Variants in SNTG1 observed in about 807,000 individuals in gnomAD.
SNTG1 encodes syntrophin gamma 1.
A neutral mutation model predicts 74.7 loss-of-function variants in SNTG1; 39 were observed. The ratio of observed to expected loss-of-function variants is 0.52; its 90% CI spans 0.40 to 0.68. The LOEUF (loss-of-function observed/expected upper bound fraction) is 0.68. Among genes scored for constraint, SNTG1 ranks in the 30% least tolerant of loss-of-function variants. The pLI is 0.00. For missense variants in SNTG1, 685 were observed against 609.5 expected (o/e 1.12, Z -1.30); for synonymous variants, 254 against 217.1 (o/e 1.17, Z -1.49).
intron 13 of SNTG1, 96 bp from the exon 14 acceptor site, chr8:50,656,813 C>T (rs999610887): frequency 2.4e-6 from 2 of 821,538 alleles, no homozygotes; most frequent in African/African-American, 3.6e-5. Flanking sequence ...TGAAAAATAC[C>T]TAAAATATTT....
At chr8:50,221,861 G>A (rs965909785) in intron 2 of SNTG1, among the ~76,000 whole-genome samples, 1 of 152,136 alleles carries the variant, frequency 6.6e-6, no homozygotes, top group African/African-American at 2.4e-5. Context: ...TAGAGACAGT[G>A]TTTAATACAT....
chr8:49,937,906 T>A (rs1227506784), intron 1 of SNTG1, among the ~76,000 whole-genome samples: 1 of 152,190 alleles, frequency 6.6e-6, no homozygotes, highest in Non-Finnish European at 1.5e-5. Context: ...TGAAACATTA[T>A]TCCTGTCAGA....
chr8:50,692,898 C>T (rs868174196), intron 15 of SNTG1, among the ~76,000 whole-genome samples: 2 of 152,230 alleles, frequency 1.3e-5, no homozygotes, highest in South Asian at 4.1e-4. Flanking sequence ...GTAGGCTCCA[C>T]CCAGTTCCAG....
chr8:50,226,289 A>G (rs2132027703), intron 2 of SNTG1, among the ~76,000 whole-genome samples: 1 of 152,248 alleles, frequency 6.6e-6, no homozygotes, highest in South Asian at 2.1e-4. Context: ...CTCACTTTCC[A>G]ATCTGACTCT....
chr8:50,041,752 G>A (rs1818660758), intron 1 of SNTG1, among the ~76,000 whole-genome samples: 1 of 152,144 alleles, frequency 6.6e-6, no homozygotes, highest in African/African-American at 2.4e-5. Flanking sequence ...GTTTCTAGAT[G>A]TGGTATTTCA....
intron 1 of SNTG1, among the ~76,000 whole-genome samples, chr8:50,133,633 C>T (rs2081383063): frequency 6.6e-6 from 1 of 152,152 alleles, no homozygotes. Context: ...CCAGCTTCCT[C>T]TGGTGGCCAT....
intron 10 of SNTG1, among the ~76,000 whole-genome samples, chr8:50,530,543 T>C (rs2094258563): frequency 6.6e-6 from 1 of 152,200 alleles, no homozygotes; most frequent in African/African-American, 2.4e-5. Flanking sequence ...ACATTGCACA[T>C]TATATGTGAT....
rs947847096 is a variant in SNTG1, at chr8:49,970,536, T to C, written c.-103+58305T>C. 3.3e-5 allele frequency among the ~76,000 whole-genome samples: 5 copies of C among 152,282 alleles called. No homozygotes were observed. In the East Asian group the frequency reaches 5.8e-4, roughly 18 times the overall value. ...AGCTTCCAAAATAATTAATAGCAAA[T>C]CACTCATTTCATTTAAGAAATAGGT... is the stretch of plus-strand genomic sequence containing the variant. On this transcript the variant is annotated intron_variant, in intron 1 of 18. Transcript: ENST00000642720.
chr8:49,941,000 T>C (rs935440196), intron 1 of SNTG1, among the ~76,000 whole-genome samples: 2 of 152,164 alleles, frequency 1.3e-5, no homozygotes, highest in African/African-American at 4.8e-5. Context: ...GAACAGCCCT[T>C]GCCATTTAGA....
In SNTG1 at chr8:50,277,421, CACAG is replaced by C. The variant is rs1220305965; in HGVS notation, c.-28+104790_-28+104793del. On this transcript the variant is annotated intron_variant, in intron 2 of 18. Coordinates refer to ENST00000642720, the MANE Select transcript of SNTG1 (RefSeq NM_018967.5). ...ATTAGATTACAGAAACTTTTTCAGACACAGACAAATTATATGTATTTTTGAAATA... is the reference window on the plus strand; with the variant it reads ...ATTAGATTACAGAAACTTTTTCAGACACAAATTATATGTATTTTTGAAATA... Among the ~76,000 whole-genome samples, 7 of 152,202 alleles carry C rather than the reference CACAG, an allele frequency of 4.6e-5. No individual in the cohort carries two copies. In the East Asian group the frequency reaches 5.8e-4, roughly 13 times the overall value.
intron 13 of SNTG1, among the ~76,000 whole-genome samples, chr8:50,638,604 A>G (rs1449423667): frequency 6.6e-6 from 1 of 152,118 alleles, no homozygotes; most frequent in Admixed American, 6.5e-5. Context: ...AAATAGTGAT[A>G]TATTCCGATG....
chr8:50,748,150 T>G (rs1339317313), intron 17 of SNTG1, among the ~76,000 whole-genome samples: 1 of 152,032 alleles, frequency 6.6e-6, no homozygotes, highest in African/African-American at 2.4e-5. Context: ...ACCTGTAATA[T>G]CTAAGCTGAA....
chr8:49,931,859 A>G (rs1585551429), intron 1 of SNTG1, among the ~76,000 whole-genome samples: 2 of 152,208 alleles, frequency 1.3e-5, no homozygotes, highest in African/African-American at 4.8e-5. Context: ...TTTTAGATGT[A>G]TAGATATTAA....
intron 18 of SNTG1, among the ~76,000 whole-genome samples, chr8:50,761,740 C>T (rs1260964053): frequency 2.0e-5 from 3 of 151,880 alleles, no homozygotes; most frequent in Non-Finnish European, 4.4e-5. Flanking sequence ...CACAAATACA[C>T]AGCAGTTCTA....
At chr8:50,286,746 T>G (rs1016130351) in intron 2 of SNTG1, 5 of 152,218 alleles carry the variant, frequency 3.3e-5, no homozygotes, top group African/African-American at 1.2e-4. Context: ...TTGCTGTGTT[T>G]TATAAATTTT....
intron 13 of SNTG1, among the ~76,000 whole-genome samples, chr8:50,613,862 A>G (rs1325817903): frequency 6.6e-6 from 1 of 152,188 alleles, no homozygotes; most frequent in Non-Finnish European, 1.5e-5. Flanking sequence ...TTATACCAAA[A>G]TCCTTGAGTA....
chr8:50,404,569 A>G (rs1365060129), intron 4 of SNTG1, among the ~76,000 whole-genome samples: 2 of 152,084 alleles, frequency 1.3e-5, no homozygotes, highest in African/African-American at 2.4e-5. Context: ...AGGCATAGCA[A>G]TCAGTGGAAC....
At chr8:50,380,862 C>T (rs994628526) in intron 2 of SNTG1, among the ~76,000 whole-genome samples, 1 of 152,094 alleles carries the variant, frequency 6.6e-6, no homozygotes, top group Non-Finnish European at 1.5e-5. Context: ...TCATAATAGG[C>T]AAGATCTCTA....
chr8:50,670,454 A>G (rs1018544644), intron 15 of SNTG1, among the ~76,000 whole-genome samples: 12 of 151,860 alleles, frequency 7.9e-5, no homozygotes, highest in African/African-American at 2.7e-4. Flanking sequence ...TGCTTCAAAG[A>G]GAATAAAATA....
Sources: allele counts gnomAD v4.1 joint callset (sites outside exome capture counted in the v4.1 genomes callset), GRCh38; gene constraint gnomAD v4.1.1; transcripts MANE v1.5; gene names NCBI Gene and HGNC (gene_info 2026-07-23, HGNC 2026-07-21).